ENAH: variants seen among roughly 807,000 people sequenced by gnomAD.
ENAH encodes the protein protein enabled homolog.
A neutral mutation model predicts 78.7 loss-of-function variants in ENAH; 23 were observed. The ratio of observed to expected loss-of-function variants is 0.29; its 90% CI spans 0.21 to 0.41. The LOEUF is 0.41. Ranked by LOEUF, ENAH falls within the 10% of genes least tolerant of loss-of-function variation. ENAH has a pLI of 1.00. For missense variants in ENAH, 544 were observed against 691.0 expected, an observed-to-expected ratio of 0.79 and a Z score of 2.39; for synonymous variants, 226 against 241.0, an observed-to-expected ratio of 0.94 and a Z score of 0.58.
intron 1 of ENAH, among the ~76,000 whole-genome samples, chr1:225,613,739 T>TA (rs988222701): frequency 7.3e-4 from 111 of 152,282 alleles, no homozygotes; most frequent in African/African-American, 2.7e-3. Context: ...TTATTAAAGA[T>TA]GGGGAAAAAA....
At position 225,514,917 on chromosome 1, in the gene ENAH, TTAAG is replaced by T. The variant is rs755913711; in HGVS notation, c.914-21_914-18del. 5.6e-6 allele frequency: 9 copies of T among 1,600,544 alleles called. No individual in the cohort carries two copies. The highest frequency in any genetic ancestry group is 1.7e-4 in the Middle Eastern group (1 of 6,024). On this transcript the variant is annotated intron_variant, in intron 6 of 13. Transcript: ENST00000366843. The stretch of plus-strand genomic sequence containing the variant: ...AGACAATGCCTGAGAGAGAGAAATG[TTAAG>T]TAAGACCATCAACAATAGAGCTGAG...
chr1:225,631,815 T>C (rs1659134462), intron 1 of ENAH, among the ~76,000 whole-genome samples: 1 of 152,164 alleles, frequency 6.6e-6, no homozygotes, highest in African/African-American at 2.4e-5. Flanking sequence ...TTTGTTTTGT[T>C]TTTTTAATCC....
At chr1:225,528,559 C>A (rs555860304) in intron 4 of ENAH, among the ~76,000 whole-genome samples, 3 of 152,042 alleles carry the variant, frequency 2.0e-5, no homozygotes, top group Admixed American at 2.0e-4. Context: ...ATTGAGGAGT[C>A]CTGTAATCTT....
intron 1 of ENAH, among the ~76,000 whole-genome samples, chr1:225,641,469 TA>T (rs76444455): frequency 0.01 from 547 of 52,274 alleles, 2 homozygotes; most frequent in Middle Eastern, 0.037. Context: ...ACTCCATCTC[TA>T]AAAAAAAAAA....
chr1:225,535,304 C>A (rs1219830092), intron 3 of ENAH, among the ~76,000 whole-genome samples: 1 of 152,132 alleles, frequency 6.6e-6, no homozygotes, highest in Non-Finnish European at 1.5e-5. Context: ...CTAACTAATT[C>A]TAATGCTCGC....
chr1:225,625,646 G>A (rs1657811763), intron 1 of ENAH, among the ~76,000 whole-genome samples: 1 of 152,110 alleles, frequency 6.6e-6, no homozygotes, highest in South Asian at 2.1e-4. Flanking sequence ...CTCCCAACTA[G>A]CTAGGATTAC....
intron 6 of ENAH, among the ~76,000 whole-genome samples, chr1:225,516,787 T>C (rs1027635331): frequency 6.6e-6 from 1 of 151,792 alleles, no homozygotes; most frequent in South Asian, 2.1e-4. Context: ...GGCAGGAGAA[T>C]TGCTGGAACC....
chr1:225,543,376 T>C (rs1392795823), intron 3 of ENAH, among the ~76,000 whole-genome samples: 1 of 152,226 alleles, frequency 6.6e-6, no homozygotes, highest in East Asian at 1.9e-4. Flanking sequence ...ATGTATTTCT[T>C]CCTACATGAA....
chr1:225,648,101 G>A (rs752466179), intron 1 of ENAH, among the ~76,000 whole-genome samples: 4 of 152,064 alleles, frequency 2.6e-5, no homozygotes, highest in Non-Finnish European at 2.9e-5. Flanking sequence ...GGAAAATTTC[G>A]TAAACCCTTA....
At chr1:225,542,504 G>T (rs1156334250) in intron 3 of ENAH, among the ~76,000 whole-genome samples, 1 of 152,144 alleles carries the variant, frequency 6.6e-6, no homozygotes, top group Non-Finnish European at 1.5e-5. Flanking sequence ...TATTGCCCTT[G>T]CCTTCTCTAT....
intron 3 of ENAH, among the ~76,000 whole-genome samples, chr1:225,554,263 C>A (rs2096655581): frequency 6.6e-6 from 1 of 152,108 alleles, no homozygotes; most frequent in Non-Finnish European, 1.5e-5. Flanking sequence ...GTACATTTTT[C>A]TATTTTTTAA....
At chr1:225,553,712 G>A (rs1250516621) in intron 3 of ENAH, among the ~76,000 whole-genome samples, 1 of 152,136 alleles carries the variant, frequency 6.6e-6, no homozygotes, top group East Asian at 1.9e-4. Context: ...TTAGAGAAAT[G>A]ACCTACATAC....
At chr1:225,567,484 A>G (rs1283282697) in intron 1 of ENAH, 70 bp from the exon 2 acceptor site, 1 of 1,456,414 alleles carries the variant, frequency 6.9e-7, no homozygotes, top group Non-Finnish European at 9.2e-7. Flanking sequence ...ACATAGCCAC[A>G]CAAACCTAGG....
intron 2 of ENAH, among the ~76,000 whole-genome samples, 189 bp from the exon 3 acceptor site, chr1:225,555,272 C>CA (rs2096660579): frequency 1.3e-5 from 2 of 152,030 alleles, no homozygotes; most frequent in Non-Finnish European, 2.9e-5. Context: ...TCGCTGATTA[C>CA]AAAGGTCTGC....
intron 3 of ENAH, among the ~76,000 whole-genome samples, chr1:225,547,446 A>C (rs1287933338): frequency 1.3e-5 from 2 of 152,136 alleles, no homozygotes; most frequent in African/African-American, 4.8e-5. Context: ...AGTGAAGTAC[A>C]ATCAGAACCA....
intron 1 of ENAH, among the ~76,000 whole-genome samples, chr1:225,613,627 G>A (rs2097004877): frequency 6.6e-6 from 1 of 151,990 alleles, no homozygotes; most frequent in East Asian, 1.9e-4. Flanking sequence ...TATTTTCTGA[G>A]AACAAAGCAA....
intron 1 of ENAH, among the ~76,000 whole-genome samples, chr1:225,648,047 T>C (rs1002604836): frequency 6.6e-6 from 1 of 152,258 alleles, no homozygotes; most frequent in East Asian, 1.9e-4. Flanking sequence ...AGTCAAGGAC[T>C]ATATCCCAGG....
chr1:225,598,777 A>G (rs886808849), intron 1 of ENAH, among the ~76,000 whole-genome samples: 1 of 152,190 alleles, frequency 6.6e-6, no homozygotes, highest in Non-Finnish European at 1.5e-5. Flanking sequence ...AAAATTATAG[A>G]AGAATGGCAG....
chr1:225,620,722 G>C (rs1656672250), intron 1 of ENAH, among the ~76,000 whole-genome samples: 1 of 151,860 alleles, frequency 6.6e-6, no homozygotes, highest in African/African-American at 2.4e-5. Flanking sequence ...TGTGGAGATA[G>C]GGCCGGGTGC....
Sources: allele counts gnomAD v4.1 joint callset (sites outside exome capture counted in the v4.1 genomes callset), GRCh38; gene constraint gnomAD v4.1.1; transcripts MANE v1.5; gene names NCBI Gene and HGNC (gene_info 2026-07-23, HGNC 2026-07-21).